BOLL: variants seen among roughly 807,000 people sequenced by gnomAD.
BOLL encodes boule RNA binding protein.
BOLL carries 23 observed loss-of-function variants against 44.4 expected under a neutral mutation model. That is an observed-to-expected ratio of 0.52 (90% CI 0.37 to 0.73). The LOEUF (loss-of-function observed/expected upper bound fraction) is 0.73, where lower values mean the gene tolerates loss of function less well. Among genes scored for constraint, BOLL ranks in the 30% least tolerant of loss-of-function variants. The pLI, the probability that BOLL is intolerant of heterozygous loss-of-function variation, is 0.00. For synonymous variants in BOLL, 97 were observed against 110.8 expected (o/e 0.88, Z 0.78); for missense variants, 287 against 338.3 (o/e 0.85, Z 1.19).
intron 10 of BOLL, among the ~76,000 whole-genome samples, chr2:197,737,128 T>C (rs1332220396): frequency 6.8e-6 from 1 of 147,250 alleles, no homozygotes; most frequent in Non-Finnish European, 1.5e-5. Flanking sequence ...TAAAGATCTA[T>C]TACTGAGAAC....
chr2:197,738,991 G>C (rs1351950846), intron 10 of BOLL, among the ~76,000 whole-genome samples: 1 of 152,058 alleles, frequency 6.6e-6, no homozygotes, highest in East Asian at 1.9e-4. Flanking sequence ...AGTAATACAT[G>C]CATATTAAAG....
chr2:197,777,025 C>A, intron 4 of BOLL, 34 bp downstream of exon 4: 1 of 1,484,260 alleles, frequency 6.7e-7, no homozygotes, highest in Non-Finnish European at 9.2e-7. Flanking sequence ...ACAAAATTTC[C>A]AGAAATGAAG....
At chr2:197,757,496 C>T (rs1688571410) in intron 7 of BOLL, 96 bp from the exon 8 acceptor site, 14 of 1,006,622 alleles carry the variant, frequency 1.4e-5, no homozygotes, top group Non-Finnish European at 1.9e-5. Context: ...TGGACCCTCA[C>T]ACCATATACA....
intron 9 of BOLL, among the ~76,000 whole-genome samples, chr2:197,752,551 C>T (rs568515615): frequency 6.6e-6 from 1 of 152,314 alleles, no homozygotes; most frequent in African/African-American, 2.4e-5. Flanking sequence ...CTCCCATTCA[C>T]AATTGCTACA....
At chr2:197,729,126 C>A (rs966186978) in intron 10 of BOLL, among the ~76,000 whole-genome samples, 1 of 152,112 alleles carries the variant, frequency 6.6e-6, no homozygotes, top group Non-Finnish European at 1.5e-5. Flanking sequence ...GTGCACCGTG[C>A]GCAAGCTGAA....
rs142061895 is a variant in BOLL at position 197,743,076 on chromosome 2, C to G, written c.813G>C (p.Gln271His). The G allele has an allele frequency of 2.2e-5, 35 of 1,596,708 alleles. No homozygotes were observed. In the African/African-American group the frequency reaches 2.8e-4, roughly 13 times the overall value. Residue 271 changes from glutamine to histidine, a missense_variant, in exon 10 of 11, where the codon CAG (glutamine) becomes CAC (histidine). By Grantham distance (24) the Gln-to-His change is conservative. Coordinates refer to ENST00000392296, the MANE Select transcript of BOLL (RefSeq NM_033030.6). ...SAITMPAPVM[Q>H]PEPIKTVWSI... ...AATTTCTTACTTTAATTGGCTCAGG[C>G]TGCATCACAGGCGCAGGCATAGTGA...
At chr2:197,759,039 AG>A (rs1225794935) in intron 7 of BOLL, 53 of 1,509,496 alleles carry the variant, frequency 3.5e-5, no homozygotes, top group Non-Finnish European at 4.0e-5. Flanking sequence ...GATGTCAGCA[AG>A]ATGGCTGACC....
chr2:197,742,460 T>C (rs897647456), intron 10 of BOLL, among the ~76,000 whole-genome samples: 3 of 152,188 alleles, frequency 2.0e-5, no homozygotes, highest in Non-Finnish European at 2.9e-5. Flanking sequence ...GTGGCAGATA[T>C]ACACCTCGGA....
chr2:197,785,770 G>A (rs181458557), upstream of BOLL, among the ~76,000 whole-genome samples: 598 of 152,292 alleles, frequency 3.9e-3, 3 homozygotes, highest in Non-Finnish European at 5.1e-3. This position sits in a 1 kb window ranked among gnomAD's most constrained non-coding sequence, Gnocchi z 6.7. Context: ...GCCCCGTGGC[G>A]GCGCCTTTCT....
chr2:197,757,393 G>A lies in BOLL; in HGVS notation c.560C>T (p.Thr187Ile), dbSNP rs1688565040. 1.2e-6 allele frequency: 2 copies of A among 1,608,878 alleles called. No individual in the cohort carries two copies. Among genetic ancestry groups the A allele is most frequent in the Non-Finnish European group, 1.7e-6 (2 of 1,177,944 alleles). Residue 187 changes from threonine (T) to isoleucine (I), a missense_variant, in exon 8 of 11, where the codon ACA (threonine) becomes ATA (isoleucine). Thr to Ile is a moderately conservative substitution (Grantham distance 89, BLOSUM62 -1). Coordinates refer to ENST00000392296, the MANE Select transcript of BOLL (RefSeq NM_033030.6). ...QQPAYHYQAT[T>I]QYLPGQWQWS... is the part of the protein sequence containing the mutation. ...CTGCCACTGTCCTGGTAAATACTGT[G>A]TGGTGGCCTAAAATTAAATAAAAGA...
intron 9 of BOLL, among the ~76,000 whole-genome samples, chr2:197,744,223 C>T (rs1473630139): frequency 6.6e-6 from 1 of 152,152 alleles, no homozygotes; most frequent in Non-Finnish European, 1.5e-5. Context: ...TGGCTAGTGG[C>T]TATTGTAGTG....
chr2:197,743,248 C>T lies in BOLL; in HGVS notation c.730-89G>A, dbSNP rs191927163. 3.4e-6 allele frequency: 3 copies of T among 880,572 alleles called. No individual in the cohort carries two copies. The Admixed American group carries it at 1.0e-4, about 31-fold the overall frequency. The allele number at this position is 880,572 out of a possible 1,614,324, so 54.5% of individuals were successfully genotyped here. On this transcript the variant is annotated intron_variant, in intron 9 of 10. Transcript: ENST00000392296. Reference sequence around the variant, plus strand: ...CATTTACAATATACTAATCATCTAGCTATACAATGTAGAAACAGTTAAAAA... The same window carrying T: ...CATTTACAATATACTAATCATCTAGTTATACAATGTAGAAACAGTTAAAAA...
intron 9 of BOLL, chr2:197,755,962 C>CTA (rs1346985013): frequency 6.6e-6 from 1 of 152,000 alleles, no homozygotes; most frequent in East Asian, 1.9e-4. Flanking sequence ...GATGGTGAAG[C>CTA]TATAAGTAAC....
chr2:197,784,397 T>C (rs112896445), intron 1 of BOLL, among the ~76,000 whole-genome samples: 180 of 902 alleles, frequency 0.2, 4 homozygotes, highest in African/African-American at 0.29. Context: ...AATACATATA[T>C]ATATATATAT....
chr2:197,749,614 T>C (rs1201424191), intron 9 of BOLL, among the ~76,000 whole-genome samples: 1 of 151,290 alleles, frequency 6.6e-6, no homozygotes, highest in African/African-American at 2.4e-5. Flanking sequence ...GCTGAATTGA[T>C]CAAGCAGAAG....
intron 1 of BOLL, 195 bp downstream of exon 1, chr2:197,784,861 T>C (rs1689995456): frequency 4.1e-6 from 4 of 987,492 alleles, no homozygotes; most frequent in Non-Finnish European, 4.8e-6. Context: ...ATTCCGCATG[T>C]GTTACGGAAA....
intron 9 of BOLL, 135 bp downstream of exon 9, chr2:197,756,293 A>C (rs1688513148): frequency 1.2e-6 from 1 of 851,350 alleles, no homozygotes; most frequent in Non-Finnish European, 1.6e-6. Flanking sequence ...AGAAAGGGGA[A>C]GAGATTTGAA....
Position 197,728,513 on chromosome 2 carries a change from G to C in BOLL, c.*42C>G, listed in dbSNP as rs372757808. On this transcript the variant is annotated 3_prime_UTR_variant, in exon 11 of 11. Transcript: ENST00000392296. The stretch of plus-strand genomic sequence containing the variant: ...GATCTCGGCCACGCAAGGATCATTG[G>C]ACAAGAAATCAGTTGAGCTGGAATA... 200 of 1,614,078 alleles carry C rather than the reference G, an allele frequency of 1.2e-4. No individual in the cohort carries two copies. Among genetic ancestry groups the C allele is most frequent in the Non-Finnish European group, 1.6e-4 (184 of 1,179,964 alleles).
chr2:197,766,740 A>G, intron 6 of BOLL, 137 bp from the exon 7 acceptor site: 1 of 626,628 alleles, frequency 1.6e-6, no homozygotes, highest in Non-Finnish European at 2.8e-6. Context: ...CCTCTTATTG[A>G]TATGATTACC....
Sources: allele counts gnomAD v4.1 joint callset (sites outside exome capture counted in the v4.1 genomes callset), GRCh38; gene constraint gnomAD v4.1.1; non-coding constraint Gnocchi (gnomAD v3.1); transcripts MANE v1.5; gene names NCBI Gene and HGNC (gene_info 2026-07-23, HGNC 2026-07-21).